The following MARCHF3 variants were observed in gnomAD, a reference collection of about 807,000 sequenced individuals.
MARCHF3 encodes E3 ubiquitin-protein ligase MARCHF3.
MARCHF3 carries 13 observed loss-of-function variants against 24.2 expected under a neutral mutation model. That is an observed-to-expected ratio of 0.54 (90% confidence interval 0.35 to 0.85). The LOEUF (loss-of-function observed/expected upper bound fraction) is 0.85, where lower values mean the gene tolerates loss of function less well. MARCHF3 is among the 40% of genes least tolerant of loss of function. MARCHF3 has a pLI of 0.01. For missense variants in MARCHF3, 276 were observed against 325.0 expected (o/e 0.85, Z 1.16); for synonymous variants, 144 against 137.3 (o/e 1.05, Z -0.34).
At chr5:126,950,379 T>G (rs1580673659) in intron 1 of MARCHF3, among the ~76,000 whole-genome samples, 1 of 152,254 alleles carries the variant, frequency 6.6e-6, no homozygotes, top group East Asian at 1.9e-4. Flanking sequence ...CAATTTCATG[T>G]TGACATTTCT....
chr5:126,919,092 G>T (rs779948563), intron 1 of MARCHF3, among the ~76,000 whole-genome samples: 1 of 152,076 alleles, frequency 6.6e-6, no homozygotes, highest in Non-Finnish European at 1.5e-5. Context: ...ACAAATAAGG[G>T]CCTTACCTCC....
intron 1 of MARCHF3, among the ~76,000 whole-genome samples, chr5:126,972,611 A>AGCAT (rs1428434667): frequency 6.6e-6 from 1 of 152,164 alleles, no homozygotes; most frequent in Non-Finnish European, 1.5e-5. Flanking sequence ...TTCCTCTATC[A>AGCAT]GCATATTCCT....
intron 1 of MARCHF3, among the ~76,000 whole-genome samples, chr5:126,959,690 AT>A (rs1056893636): frequency 6.6e-6 from 1 of 152,082 alleles, no homozygotes; most frequent in African/African-American, 2.4e-5. Flanking sequence ...TATCTTAGCA[AT>A]TTTTTCCTGT....
intron 1 of MARCHF3, among the ~76,000 whole-genome samples, chr5:126,961,806 G>A (rs369695667): frequency 2.0e-5 from 3 of 152,096 alleles, no homozygotes; most frequent in Non-Finnish European, 4.4e-5. Context: ...TGGGGCAACC[G>A]GCCCCCAGGC....
In MARCHF3 at chr5:126,915,031, G is replaced by A. The variant is rs548204139; in HGVS notation, c.292C>T (p.Arg98Trp). 2.1e-5 allele frequency: 34 copies of A among 1,614,044 alleles called. No homozygotes were observed. The highest frequency in any genetic ancestry group is 1.6e-4 in the Middle Eastern group (1 of 6,084). ...ECTGTLGTIH[R>W]SCLEHWLSSS... Reference sequence around the variant, plus strand: ...GACAGCCAGTGCTCCAGGCAGCTCCGATGAATTGTCCCCAAGGTCCCTGTA... The same window carrying A: ...GACAGCCAGTGCTCCAGGCAGCTCCAATGAATTGTCCCCAAGGTCCCTGTA... Residue 98 changes from arginine (R) to tryptophan (W), a missense_variant, in exon 3 of 5, where the codon CGG becomes TGG. Physicochemically the swap from Arg to Trp is moderately radical, Grantham distance 101. Transcript: ENST00000308660.
intron 1 of MARCHF3, among the ~76,000 whole-genome samples, chr5:126,975,209 C>G (rs1751152547): frequency 1.3e-5 from 2 of 152,304 alleles, no homozygotes; most frequent in Non-Finnish European, 2.9e-5. Flanking sequence ...CCTGCCTTGG[C>G]CTCCCAAAGT....
chr5:126,900,092 A>G (rs1334397765), intron 3 of MARCHF3, among the ~76,000 whole-genome samples: 1 of 152,122 alleles, frequency 6.6e-6, no homozygotes, highest in Non-Finnish European at 1.5e-5. Context: ...CTCTGATTTA[A>G]TAGACGAATC....
chr5:127,029,812 T>C (rs1242237313), intron 1 of MARCHF3: 1 of 152,220 alleles, frequency 6.6e-6, no homozygotes, highest in Admixed American at 6.5e-5. Flanking sequence ...GCAATTACTT[T>C]AGAAAGTTCA....
chr5:126,969,149 T>G (rs2126827730), intron 1 of MARCHF3, among the ~76,000 whole-genome samples: 1 of 152,350 alleles, frequency 6.6e-6, no homozygotes, highest in South Asian at 2.1e-4. Context: ...CTTATGCATC[T>G]GAATTTTTAA....
chr5:126,903,036 T>C (rs917289349), intron 3 of MARCHF3, among the ~76,000 whole-genome samples: 3 of 152,140 alleles, frequency 2.0e-5, no homozygotes, highest in Non-Finnish European at 4.4e-5. Context: ...TAGAGGTTCA[T>C]TTACCTTGTG....
At position 126,918,071 on chromosome 5, in the gene MARCHF3, A is replaced by G; in HGVS notation, c.101T>C (p.Val34Ala). 1 of 1,614,052 alleles carries G rather than the reference A, an allele frequency of 6.2e-7. No homozygotes were observed. Among genetic ancestry groups the G allele is most frequent in the South Asian group, 1.1e-5 (1 of 91,068 alleles). The change falls in exon 2 of 5, where the codon GTG (valine) becomes GCG (alanine). Residue 34 changes from valine to alanine, a missense_variant. By Grantham distance (64) the Val-to-Ala change is moderately conservative (BLOSUM62 0). Coordinates refer to ENST00000308660, the MANE Select transcript of MARCHF3 (RefSeq NM_178450.5). Reference sequence around the variant, plus strand: ...CATGACATACTGCGGCTGCCCATTCACTAGGCTGCCACAATCCTCCACCGT... The same window carrying G: ...CATGACATACTGCGGCTGCCCATTCGCTAGGCTGCCACAATCCTCCACCGT... The part of the protein sequence containing the change: ...VKTVEDCGSL[V>A]NGQPQYVMQV...
intron 3 of MARCHF3, among the ~76,000 whole-genome samples, chr5:126,891,254 T>A (rs1233678707): frequency 6.6e-6 from 1 of 151,670 alleles, no homozygotes; most frequent in South Asian, 2.1e-4. Context: ...TTCACTCTGA[T>A]GGTAGTTTCT....
intron 1 of MARCHF3, among the ~76,000 whole-genome samples, chr5:127,025,315 A>G (rs1339836545): frequency 6.7e-6 from 1 of 149,606 alleles, no homozygotes; most frequent in Non-Finnish European, 1.5e-5. Flanking sequence ...TATTAAAAAA[A>G]AAAAAAAAAA....
At chr5:126,971,883 A>C (rs1339988723) in intron 1 of MARCHF3, among the ~76,000 whole-genome samples, 1 of 152,194 alleles carries the variant, frequency 6.6e-6, no homozygotes. Context: ...TACTTCATTA[A>C]ATTACCATAT....
intron 1 of MARCHF3, among the ~76,000 whole-genome samples, chr5:126,966,945 T>TTTTTTTTTTTG (rs1750837993): frequency 8.8e-6 from 1 of 113,794 alleles, no homozygotes; most frequent in Non-Finnish European, 1.9e-5. Flanking sequence ...TTTTTTTTTT[T>TTTTTTTTTTTG]GCTATTACCT....
intron 1 of MARCHF3, among the ~76,000 whole-genome samples, chr5:126,921,162 C>T (rs1388795785): frequency 4.6e-5 from 7 of 152,048 alleles, no homozygotes; most frequent in African/African-American, 1.7e-4. Flanking sequence ...ATCAGAATAA[C>T]CTTAAGATTC....
Position 127,027,537 on chromosome 5 carries a change from G to T in MARCHF3, c.-57+2813C>A, listed in dbSNP as rs951233761. On this transcript the variant is annotated intron_variant, in intron 1 of 4. Coordinates refer to ENST00000308660, the MANE Select transcript of MARCHF3 (RefSeq NM_178450.5). The stretch of plus-strand genomic sequence containing the variant: ...CCCAGGACCCCACCGAACTCAGAGT[G>T]GGGGGTGAAGGAACTAAGACTGGGG... Among the ~76,000 whole-genome samples the T allele has an allele frequency of 5.3e-5, 8 of 152,226 alleles. No homozygotes were observed. The East Asian group carries it at 9.7e-4, about 18-fold the overall frequency.
At chr5:126,998,815 C>G (rs1403947426) in intron 1 of MARCHF3, among the ~76,000 whole-genome samples, 1 of 152,138 alleles carries the variant, frequency 6.6e-6, no homozygotes, top group African/African-American at 2.4e-5. Context: ...AGTTGAGAAG[C>G]TGTAAAGATC....
intron 1 of MARCHF3, among the ~76,000 whole-genome samples, chr5:126,982,500 C>T (rs1029959409): frequency 6.6e-6 from 1 of 152,164 alleles, no homozygotes; most frequent in Non-Finnish European, 1.5e-5. Context: ...TGCAGCTCTT[C>T]CCAAGGCAGT....
Sources: gnomAD v4.1 joint callset for allele counts (sites outside exome capture counted in the v4.1 genomes callset) on GRCh38, gnomAD v4.1.1 for gene constraint, MANE v1.5 for transcripts, NCBI Gene and HGNC (gene_info 2026-07-23, HGNC 2026-07-21) for gene names.